Variants in GOLGA4 observed in about 807,000 individuals in gnomAD.
The protein encoded by GOLGA4 is golgin subfamily A member 4.
Under a neutral mutation model 265.9 loss-of-function variants are expected in GOLGA4, and 169 were observed. The ratio of observed to expected loss-of-function variants is 0.64; its 90% CI spans 0.56 to 0.72. The LOEUF is 0.72. Among genes scored for constraint, GOLGA4 ranks in the 30% least tolerant of loss-of-function variants. GOLGA4 has a pLI of 0.00. For synonymous variants in GOLGA4, 923 were observed against 855.8 expected, an observed-to-expected ratio of 1.08 and a Z score of -1.37; for missense variants, 2,482 against 2,483.4, an observed-to-expected ratio of 1.00 and a Z score of 0.01.
chr3:37,243,948 C>T (rs915466636), intron 1 of GOLGA4: 3 of 317,016 alleles, frequency 9.5e-6, no homozygotes, highest in South Asian at 1.0e-4. Flanking sequence ...TGAGGTTTTC[C>T]CACTCATCTG....
intron 2 of GOLGA4, among the ~76,000 whole-genome samples, chr3:37,256,874 GGC>G (rs1416704135): frequency 6.6e-6 from 1 of 151,744 alleles, no homozygotes; most frequent in Non-Finnish European, 1.5e-5. Flanking sequence ...TGCTCTGGCT[GGC>G]CTCCAACTCC....
At chr3:37,254,161 T>TAC (rs1426026017) in intron 2 of GOLGA4, among the ~76,000 whole-genome samples, 1 of 152,200 alleles carries the variant, frequency 6.6e-6, no homozygotes, top group Non-Finnish European at 1.5e-5. Context: ...GCAAAAACAT[T>TAC]ACAACTCAGT....
At chr3:37,329,761 T>C (rs934383681) in intron 16 of GOLGA4, among the ~76,000 whole-genome samples, 8 of 152,220 alleles carry the variant, frequency 5.3e-5, no homozygotes, top group African/African-American at 1.7e-4. Context: ...TAAATGCTAG[T>C]TAGTACTTTG....
chr3:37,250,085 A>G lies in GOLGA4; in HGVS notation c.73-1310A>G, dbSNP rs1651782552. The G allele has an allele frequency of 2.6e-5, 4 of 152,368 alleles. No individual in the cohort carries two copies. The South Asian group carries it at 8.3e-4, about 32-fold the overall frequency. The allele number at this position is 152,368 out of a possible 1,614,324, so 9.4% of individuals were successfully genotyped here. A position where few individuals can be genotyped will look rare whatever the true frequency, so the allele number is the denominator to read the frequency against. On this transcript the variant is annotated intron_variant, in intron 1 of 23. Coordinates refer to ENST00000361924, the MANE Select transcript of GOLGA4 (RefSeq NM_002078.5). ...TGGGTTAGTAAGTTTTCTGAGTTCT[A>G]ACTTACGGACTTATAAGAGCTGTTT...
In GOLGA4 at chr3:37,347,246, G is replaced by C. The variant is rs746553459; in HGVS notation, c.6526G>C (p.Glu2176Gln). ...ACTCTTTGGAGAACCTACCGAATTT[G>C]AGTATTTGCGAAAAGTGCTTTTTGA... ...VSLFGEPTEFEYLRKVLFEYM... is the reference protein window; with the variant it reads ...VSLFGEPTEFQYLRKVLFEYM... Residue 2176 changes from glutamate (E) to glutamine (Q), a missense_variant, in exon 21 of 24, where the codon GAG (glutamate) becomes CAG (glutamine). Coordinates refer to ENST00000361924, the MANE Select transcript of GOLGA4 (RefSeq NM_002078.5). The C allele has an allele frequency of 2.2e-5, 35 of 1,613,052 alleles. No individual in the cohort carries two copies. The highest frequency in any genetic ancestry group is 5.0e-5 in the Admixed American group (3 of 59,974).
intron 21 of GOLGA4, among the ~76,000 whole-genome samples, chr3:37,353,765 AT>A (rs1187542377): frequency 6.6e-6 from 1 of 151,890 alleles, no homozygotes; most frequent in Non-Finnish European, 1.5e-5. Context: ...AATTTTTAAA[AT>A]TTTTTGTAGA....
At chr3:37,345,458 G>T (rs1264380948) in intron 20 of GOLGA4, among the ~76,000 whole-genome samples, 5 of 152,210 alleles carry the variant, frequency 3.3e-5, no homozygotes, top group African/African-American at 1.2e-4. Flanking sequence ...CAGATAAAGT[G>T]TGGGTTTTAA....
intron 2 of GOLGA4, among the ~76,000 whole-genome samples, chr3:37,252,375 T>C: frequency 6.6e-6 from 1 of 151,558 alleles, no homozygotes; most frequent in East Asian, 1.9e-4. Context: ...AATGTAAACA[T>C]TGTAGTTAAA....
At position 37,362,197 on chromosome 3, in the gene GOLGA4, TTTTATTTATTTATTTATTTA is replaced by T. The variant is rs144532752; in HGVS notation, c.*33+915_*33+934del. ...ACAACATTTCTCCGTTCTTTTAAGC[TTTTATTTATTTATTTATTTA>T]TTTATTTATTTATTTATTTATTATT... On this transcript the variant is annotated intron_variant, in intron 23 of 23. Coordinates refer to ENST00000361924, the MANE Select transcript of GOLGA4 (RefSeq NM_002078.5). 1.0e-4 allele frequency among the ~76,000 whole-genome samples: 14 copies of T among 135,404 alleles called. No individual in the cohort carries two copies. In the East Asian group the frequency reaches 1.1e-3, roughly 10 times the overall value. 88.8% of individuals were successfully genotyped at this position (135,404 alleles called of 152,430 possible). A position where few individuals can be genotyped will look rare whatever the true frequency, so the allele number is the denominator to read the frequency against.
intron 22 of GOLGA4, among the ~76,000 whole-genome samples, chr3:37,357,032 A>C (rs2097092605): frequency 6.6e-6 from 1 of 152,106 alleles, no homozygotes; most frequent in African/African-American, 2.4e-5. Context: ...GAATTGGTAA[A>C]TGTAGGTAGT....
At chr3:37,337,284 C>A in intron 18 of GOLGA4, 121 bp downstream of exon 18, 3 of 640,958 alleles carry the variant, frequency 4.7e-6, no homozygotes, top group Non-Finnish European at 8.2e-6. Context: ...ACTGCAACCT[C>A]TGCCTCCTGA....
intron 5 of GOLGA4, among the ~76,000 whole-genome samples, chr3:37,294,499 C>T (rs778326334): frequency 4.6e-5 from 7 of 151,836 alleles, no homozygotes; most frequent in Non-Finnish European, 1.0e-4. Flanking sequence ...ATTCCCCTGC[C>T]TCAGCTTCCC....
At chr3:37,322,909 A>G (rs923917178) in intron 13 of GOLGA4, among the ~76,000 whole-genome samples, 2 of 152,110 alleles carry the variant, frequency 1.3e-5, no homozygotes, top group Non-Finnish European at 2.9e-5. Context: ...TATGAGAATA[A>G]TAAAATACTA....
chr3:37,254,399 A>G (rs1027511689), intron 2 of GOLGA4, among the ~76,000 whole-genome samples: 7 of 152,166 alleles, frequency 4.6e-5, no homozygotes, highest in African/African-American at 1.7e-4. Flanking sequence ...AAACTGTACT[A>G]TGTACCTTTT....
At chr3:37,248,306 T>C (rs1263953798) in intron 1 of GOLGA4, among the ~76,000 whole-genome samples, 1 of 152,222 alleles carries the variant, frequency 6.6e-6, no homozygotes, top group Non-Finnish European at 1.5e-5. Flanking sequence ...AAATTGAGTA[T>C]AACTGTGGTC....
intron 2 of GOLGA4, among the ~76,000 whole-genome samples, chr3:37,278,601 A>T (rs1215282992): frequency 6.6e-6 from 1 of 152,208 alleles, no homozygotes; most frequent in Non-Finnish European, 1.5e-5. Context: ...ACAAATTCAG[A>T]ATTTTAATTA....
chr3:37,280,318 A>G (rs1326354432), intron 2 of GOLGA4, among the ~76,000 whole-genome samples: 1 of 152,238 alleles, frequency 6.6e-6, no homozygotes, highest in Non-Finnish European at 1.5e-5. Context: ...CATAGATTGT[A>G]TTGGTGGCTG....
chr3:37,291,443 C>A (rs528395553), intron 5 of GOLGA4, among the ~76,000 whole-genome samples: 1 of 152,250 alleles, frequency 6.6e-6, no homozygotes, highest in African/African-American at 2.4e-5. Context: ...TCTATCTATT[C>A]TCTAATTTAA....
At chr3:37,352,636 C>A (rs761257408) in intron 21 of GOLGA4, among the ~76,000 whole-genome samples, 3 of 152,046 alleles carry the variant, frequency 2.0e-5, no homozygotes, top group Non-Finnish European at 4.4e-5. Context: ...TTTGTCACTT[C>A]CCTCAGCCTT....
Sources: allele counts gnomAD v4.1 joint callset (sites outside exome capture counted in the v4.1 genomes callset), GRCh38; gene constraint gnomAD v4.1.1; transcripts MANE v1.5; gene names NCBI Gene and HGNC (gene_info 2026-07-23, HGNC 2026-07-21).